FGF14: variants seen among roughly 807,000 people sequenced by gnomAD.
The protein encoded by FGF14 is fibroblast growth factor homologous factor 4.
A neutral mutation model predicts 25.5 loss-of-function variants in FGF14; 5 were observed. That is an observed-to-expected ratio of 0.20 (90% confidence interval 0.10 to 0.41). FGF14 has a LOEUF of 0.41. Ranked by LOEUF, FGF14 falls within the 10% of genes least tolerant of loss-of-function variation. The pLI, the probability that FGF14 is intolerant of heterozygous loss-of-function variation, is 1.00. For missense variants in FGF14, 222 were observed against 320.1 expected (o/e 0.69, Z 2.34); for synonymous variants, 138 against 118.3 (o/e 1.17, Z -1.08).
chr13:101,811,749 C>G (rs576642129), intron 3 of FGF14, among the ~76,000 whole-genome samples: 6 of 152,172 alleles, frequency 3.9e-5, no homozygotes, highest in Non-Finnish European at 7.3e-5. Flanking sequence ...ACTGAGGGTT[C>G]CTGTTGCTCC....
chr13:102,268,499 T>C (rs1301064527), intron 1 of FGF14, among the ~76,000 whole-genome samples: 1 of 152,042 alleles, frequency 6.6e-6, no homozygotes, highest in African/African-American at 2.4e-5. Context: ...TATACATATA[T>C]AATGTTGTGG....
chr13:102,041,191 CTATAA>C lies in FGF14; in HGVS notation c.209-165900_209-165896del, dbSNP rs1399908762. On this transcript the variant is annotated intron_variant, in intron 1 of 4. Coordinates refer to the FGF14 transcript ENST00000376131. ...ACATATTTTTTAAAAATTTAATGCC[CTATAA>C]TATAAAAGAGCAAGAAAAATATAAT... Among the ~76,000 whole-genome samples, 97 of 151,770 alleles carry C rather than the reference CTATAA, an allele frequency of 6.4e-4. 1 individual carries two copies. The highest frequency in any genetic ancestry group is 6.0e-3 in the Admixed American group (92 of 15,208).
chr13:102,158,583 A>C (rs940351083), intron 1 of FGF14, among the ~76,000 whole-genome samples: 3 of 152,028 alleles, frequency 2.0e-5, no homozygotes, highest in Non-Finnish European at 4.4e-5. Context: ...TGATGAGTTA[A>C]TGGGTGCAGC....
At chr13:102,104,917 T>C (rs2044834230) in intron 1 of FGF14, among the ~76,000 whole-genome samples, 1 of 152,136 alleles carries the variant, frequency 6.6e-6, no homozygotes, top group Admixed American at 6.5e-5. Context: ...TACAAAGACA[T>C]AGGGGTATTT....
intron 3 of FGF14, among the ~76,000 whole-genome samples, chr13:101,783,369 T>C (rs2039624266): frequency 1.3e-5 from 2 of 151,426 alleles, no homozygotes; most frequent in South Asian, 4.2e-4. Flanking sequence ...ACTCAGGAGG[T>C]TGAGGCAGGA....
chr13:102,156,669 G>C (rs1228175312), intron 1 of FGF14, among the ~76,000 whole-genome samples: 1 of 152,126 alleles, frequency 6.6e-6, no homozygotes, highest in East Asian at 1.9e-4. Flanking sequence ...AGGGCAATTA[G>C]GCAGGAGAAG....
chr13:102,145,330 CAT>C (rs1427141154), intron 1 of FGF14, among the ~76,000 whole-genome samples: 6 of 152,202 alleles, frequency 3.9e-5, no homozygotes, highest in Non-Finnish European at 8.8e-5. Context: ...GTGTTTTGGG[CAT>C]TGTTGGGTGA....
chr13:102,161,585 A>G (rs1160304393), intron 1 of FGF14, among the ~76,000 whole-genome samples: 96 of 2,408 alleles, frequency 0.04, 2 homozygotes, highest in South Asian at 0.056. Flanking sequence ...AAGAAGAAGA[A>G]GAAGAAGAAG....
At chr13:102,158,891 C>T (rs2047488078) in intron 1 of FGF14, among the ~76,000 whole-genome samples, 1 of 152,100 alleles carries the variant, frequency 6.6e-6, no homozygotes, top group Non-Finnish European at 1.5e-5. Context: ...GTAATCTCAG[C>T]ACTTTGGGAG....
chr13:101,934,648 A>G (rs895222085), intron 1 of FGF14, among the ~76,000 whole-genome samples: 1 of 152,260 alleles, frequency 6.6e-6, no homozygotes, highest in Non-Finnish European at 1.5e-5. Context: ...AATGAACATC[A>G]GAAAAACCCA....
At chr13:102,260,307 G>A (rs923414639) in intron 1 of FGF14, among the ~76,000 whole-genome samples, 3 of 152,094 alleles carry the variant, frequency 2.0e-5, no homozygotes, top group East Asian at 3.9e-4. Flanking sequence ...AGATCAGTTC[G>A]CCACTGATCT....
chr13:101,802,963 G>A (rs2040971742), intron 3 of FGF14, among the ~76,000 whole-genome samples: 1 of 152,064 alleles, frequency 6.6e-6, no homozygotes, highest in African/African-American at 2.4e-5. Flanking sequence ...TGCACTGTGA[G>A]GCTGGACCTG....
rs149948580 is a variant in FGF14, at chr13:102,119,670, C to A, written c.209-244374G>T. Reference sequence around the variant, plus strand: ...CATATATATATTCTATATTCACGCACACATAAAAGTATGTTATATATGTAT... The same window carrying A: ...CATATATATATTCTATATTCACGCAAACATAAAAGTATGTTATATATGTAT... On this transcript the variant is annotated intron_variant, in intron 1 of 4. Transcript: ENST00000376131. 6.5e-3 allele frequency among the ~76,000 whole-genome samples: 989 copies of A among 152,204 alleles called. 5 individuals are homozygous for A. Among genetic ancestry groups the A allele is most frequent in the Middle Eastern group, 0.027 (8 of 292 alleles).
chr13:102,029,955 T>C (rs373671765), intron 1 of FGF14, among the ~76,000 whole-genome samples: 6 of 152,070 alleles, frequency 3.9e-5, no homozygotes, highest in Non-Finnish European at 7.4e-5. Context: ...CTTGTCTTCA[T>C]AGAGTTTATA....
At chr13:101,807,199 T>C (rs1322703) in intron 3 of FGF14, among the ~76,000 whole-genome samples, 133,569 of 152,142 alleles carry the variant, frequency 0.88, 58,888 homozygotes, top group Non-Finnish European at 0.92. Context: ...AAATTATATT[T>C]TTTTATCTAT....
At chr13:101,773,213 A>C (rs1255796782) in intron 3 of FGF14, among the ~76,000 whole-genome samples, 1 of 152,170 alleles carries the variant, frequency 6.6e-6, no homozygotes, top group East Asian at 1.9e-4. Context: ...GCATTTTAAA[A>C]CATATTGAAT....
chr13:101,991,617 C>T (rs1295117930), intron 1 of FGF14, among the ~76,000 whole-genome samples: 1 of 152,076 alleles, frequency 6.6e-6, no homozygotes, highest in African/African-American at 2.4e-5. Flanking sequence ...ATCATAGGAA[C>T]AACTGCTTTT....
chr13:102,364,797 T>C (rs1317598527), intron 1 of FGF14, among the ~76,000 whole-genome samples: 1 of 152,168 alleles, frequency 6.6e-6, no homozygotes, highest in African/African-American at 2.4e-5. Flanking sequence ...TCCTCTGCAG[T>C]TGAGCATCAG....
At chr13:101,925,246 T>C (rs2034285449) in intron 1 of FGF14, among the ~76,000 whole-genome samples, 1 of 152,220 alleles carries the variant, frequency 6.6e-6, no homozygotes, top group Non-Finnish European at 1.5e-5. Flanking sequence ...TTATTTTACA[T>C]ACAAATTTGC....
Sources: gnomAD v4.1 joint callset for allele counts (sites outside exome capture counted in the v4.1 genomes callset) on GRCh38, gnomAD v4.1.1 for gene constraint, MANE v1.5 for transcripts, NCBI Gene and HGNC (gene_info 2026-07-23, HGNC 2026-07-21) for gene names.